The following TRPM6 variants were observed in gnomAD, a reference collection of about 807,000 sequenced individuals.
TRPM6 encodes channel kinase 2.
Under a neutral mutation model 247.6 loss-of-function variants are expected in TRPM6, and 111 were observed. That is an observed-to-expected ratio of 0.45 (90% confidence interval 0.38 to 0.52). The LOEUF is 0.52. Among genes scored for constraint, TRPM6 ranks in the 20% least tolerant of loss-of-function variants. TRPM6 has a pLI of 0.00. For synonymous variants in TRPM6, 892 were observed against 853.8 expected (o/e 1.04, Z -0.78); for missense variants, 2,126 against 2,421.5 (o/e 0.88, Z 2.56).
chr9:74,785,805 G>A (rs1045119673), intron 21 of TRPM6, 69 bp downstream of exon 21: 68 of 1,577,602 alleles, frequency 4.3e-5, no homozygotes, highest in East Asian at 6.7e-5. Flanking sequence ...TTACAGGTGT[G>A]AGCCACCACA....
chr9:74,728,347 T>C lies in TRPM6; in HGVS notation c.5829-2A>G. The C allele has an allele frequency of 1.9e-6, 3 of 1,581,938 alleles. No individual in the cohort carries two copies. The highest frequency in any genetic ancestry group is 2.6e-6 in the Non-Finnish European group (3 of 1,150,704). ...GGTCCAAACACCATTCCTCTTGATC[T>C]AGAGGAAATATCAGAATATCAATTA... On this transcript the variant is annotated splice_acceptor_variant, in intron 37 of 38. Coordinates refer to ENST00000360774, the MANE Select transcript of TRPM6 (RefSeq NM_017662.5). LOFTEE classifies it high-confidence loss of function.
At chr9:74,770,998 A>G (rs1375926077) in intron 25 of TRPM6, among the ~76,000 whole-genome samples, 1 of 152,002 alleles carries the variant, frequency 6.6e-6, no homozygotes, top group Non-Finnish European at 1.5e-5. Flanking sequence ...ACTGCACAAC[A>G]ACCGCCGGTC....
intron 37 of TRPM6, among the ~76,000 whole-genome samples, chr9:74,728,965 T>C (rs1474155720): frequency 6.6e-6 from 1 of 152,210 alleles, no homozygotes; most frequent in Non-Finnish European, 1.5e-5. Context: ...ATATGCTCGA[T>C]GTAGGTGACA....
At chr9:74,886,144 A>G (rs1362243516) in intron 1 of TRPM6, among the ~76,000 whole-genome samples, 1 of 152,204 alleles carries the variant, frequency 6.6e-6, no homozygotes, top group East Asian at 1.9e-4. Context: ...AATGCTATTC[A>G]TGCCCTTGTC....
rs7847471 is a variant in TRPM6 at position 74,821,887 on chromosome 9, G to A, written c.842-50C>T. The A allele has an allele frequency of 7.3e-3, 11,667 of 1,607,012 alleles. 646 individuals are homozygous for A. In the African/African-American group the frequency reaches 0.13, roughly 17 times the overall value. On this transcript the variant is annotated intron_variant, in intron 7 of 38. Coordinates refer to ENST00000360774, the MANE Select transcript of TRPM6 (RefSeq NM_017662.5). ...ACACTGTTAGAGAATCCCTAGCTCA[G>A]CCAGTCGGCCGTTTTGACTTCCAGA...
Position 74,840,980 on chromosome 9 carries a change from T to C in TRPM6, c.331-743A>G, listed in dbSNP as rs537147402. Among the ~76,000 whole-genome samples the C allele has an allele frequency of 1.8e-4, 27 of 152,320 alleles. No homozygotes were observed. The South Asian group carries it at 5.4e-3, about 30-fold the overall frequency. ...ATTTTTCATAAATGCTATGGCTTTC[T>C]GTTTACTTAATCATTTCACAGATTT... On this transcript the variant is annotated intron_variant, in intron 4 of 38. Transcript: ENST00000360774.
chr9:74,767,161 T>A (rs569756624), intron 25 of TRPM6, among the ~76,000 whole-genome samples: 1 of 152,304 alleles, frequency 6.6e-6, no homozygotes, highest in East Asian at 1.9e-4. Context: ...CATGGTCAAA[T>A]AGTGGTGGGA....
intron 25 of TRPM6, among the ~76,000 whole-genome samples, chr9:74,769,280 G>A (rs1826933071): frequency 6.6e-6 from 1 of 152,032 alleles, no homozygotes; most frequent in African/African-American, 2.4e-5. Flanking sequence ...TGAGCAGCTG[G>A]GACTACAGGC....
At chr9:74,815,551 G>A (rs1169824214) in intron 11 of TRPM6, among the ~76,000 whole-genome samples, 1 of 152,148 alleles carries the variant, frequency 6.6e-6, no homozygotes, top group Non-Finnish European at 1.5e-5. Flanking sequence ...AAAGAGGCAA[G>A]GGAATCCCCA....
At chr9:74,746,787 C>T (rs1162589507) in intron 31 of TRPM6, among the ~76,000 whole-genome samples, 1 of 136,622 alleles carries the variant, frequency 7.3e-6, no homozygotes, top group Non-Finnish European at 1.5e-5. Flanking sequence ...GGCTTTAAGG[C>T]AGGAGCAGTA....
chr9:74,851,133 C>T (rs149945302), intron 3 of TRPM6, among the ~76,000 whole-genome samples: 15 of 152,106 alleles, frequency 9.9e-5, no homozygotes, highest in African/African-American at 3.6e-4. Context: ...TAAATTGTAG[C>T]AAGGTCCCAT....
chr9:74,771,010 G>C (rs1190367131), intron 25 of TRPM6, among the ~76,000 whole-genome samples: 1 of 152,124 alleles, frequency 6.6e-6, no homozygotes, highest in Non-Finnish European at 1.5e-5. Context: ...CCGCCGGTCA[G>C]ACGCCCTGAG....
chr9:74,776,357 T>C (rs1183790785), intron 23 of TRPM6, among the ~76,000 whole-genome samples: 1 of 151,964 alleles, frequency 6.6e-6, no homozygotes, highest in African/African-American at 2.4e-5. Flanking sequence ...GAAAATCCAT[T>C]CTGGAACTCA....
Position 74,808,190 on chromosome 9 carries a change from G to GC in TRPM6, c.1498-17dup. On this transcript the variant is annotated splice_polypyrimidine_tract_variant and intron_variant, in intron 13 of 38. Coordinates refer to ENST00000360774, the MANE Select transcript of TRPM6 (RefSeq NM_017662.5). ...GAAGGGTATGCTGCAACAAAAACAT[G>GC]CAACGACTTTTAACTTTTAGTTATC... The GC allele has an allele frequency of 6.2e-7, 1 of 1,613,716 alleles. No homozygotes were observed. The highest frequency in any genetic ancestry group is 8.5e-7 in the Non-Finnish European group (1 of 1,179,768).
At chr9:74,832,817 G>A (rs1240155193) in intron 6 of TRPM6, among the ~76,000 whole-genome samples, 5 of 152,220 alleles carry the variant, frequency 3.3e-5, no homozygotes, top group South Asian at 2.1e-4. Flanking sequence ...TTGGGAAGCC[G>A]AGGCAGGCAG....
At chr9:74,840,569 C>A (rs1018658195) in intron 4 of TRPM6, among the ~76,000 whole-genome samples, 1 of 152,190 alleles carries the variant, frequency 6.6e-6, no homozygotes, top group South Asian at 2.1e-4. Context: ...AATTCCAGCA[C>A]TTCGGGAGGC....
At chr9:74,851,653 G>A (rs532172453) in intron 3 of TRPM6, among the ~76,000 whole-genome samples, 86 of 151,688 alleles carry the variant, frequency 5.7e-4, no homozygotes, top group African/African-American at 2.0e-3. Context: ...GGAGGCTGAG[G>A]CACGAGAATC....
intron 3 of TRPM6, among the ~76,000 whole-genome samples, chr9:74,854,791 G>A (rs1830470940): frequency 6.6e-6 from 1 of 152,142 alleles, no homozygotes; most frequent in South Asian, 2.1e-4. Context: ...AGCTTTCCAA[G>A]TAGCTGAGTA....
At chr9:74,867,127 T>C (rs1830870200) in intron 1 of TRPM6, among the ~76,000 whole-genome samples, 1 of 152,200 alleles carries the variant, frequency 6.6e-6, no homozygotes, top group Admixed American at 6.5e-5. Context: ...GCTTGAAGTA[T>C]ACAAAGAAAA....
Sources: allele counts gnomAD v4.1 joint callset (sites outside exome capture counted in the v4.1 genomes callset), GRCh38; gene constraint gnomAD v4.1.1; transcripts MANE v1.5; gene names NCBI Gene and HGNC (gene_info 2026-07-23, HGNC 2026-07-21).